Variants in TMEM165 observed in about 807,000 individuals in gnomAD.
The protein encoded by TMEM165 is transmembrane protein 165.
TMEM165 carries 19 observed loss-of-function variants against 30.0 expected under a neutral mutation model. That is an observed-to-expected ratio of 0.63 (90% CI 0.44 to 0.93). The LOEUF is 0.93. Among genes scored for constraint, TMEM165 ranks in the 40% least tolerant of loss-of-function variants. TMEM165 has a pLI of 0.00. For synonymous variants in TMEM165, 168 were observed against 162.9 expected (o/e 1.03, Z -0.24); for missense variants, 340 against 417.0 (o/e 0.82, Z 1.61).
downstream of TMEM165, chr4:55,428,766 G>GA (rs1254465064): frequency 2.0e-5 from 3 of 149,160 alleles, no homozygotes; most frequent in Non-Finnish European, 4.5e-5. Flanking sequence ...TGTTAACAAT[G>GA]AAAAATTTAC....
At chr4:55,448,583 T>A (rs576779243) in intron 3 of TMEM165, among the ~76,000 whole-genome samples, 1 of 106,000 alleles carries the variant, frequency 9.4e-6, no homozygotes, top group Non-Finnish European at 2.0e-5. Context: ...ATTATATATG[T>A]GCGCGCGCGC....
At chr4:55,433,000 T>C (rs1217979358) in intron 3 of TMEM165, 2 of 152,608 alleles carry the variant, frequency 1.3e-5, no homozygotes, top group Non-Finnish European at 2.9e-5. Flanking sequence ...GTGTGGTATG[T>C]AGAGGACAGG....
intron 4 of TMEM165, among the ~76,000 whole-genome samples, chr4:55,419,597 GATTT>G (rs1721880545): frequency 2.6e-5 from 4 of 152,124 alleles, no homozygotes; most frequent in Admixed American, 2.6e-4. Context: ...TGTTCACACA[GATTT>G]ATTAAGATTT....
intron 1 of TMEM165, among the ~76,000 whole-genome samples, chr4:55,407,628 C>T (rs1324211821): frequency 1.3e-5 from 2 of 152,146 alleles, no homozygotes; most frequent in South Asian, 2.1e-4. Flanking sequence ...TCTGCTCTGG[C>T]TCATCCTTCA....
chr4:55,449,957 G>A (rs1008070884), intron 3 of TMEM165: 2 of 1,101,362 alleles, frequency 1.8e-6, no homozygotes, highest in Non-Finnish European at 2.6e-6. Flanking sequence ...TAACTCACTG[G>A]AAAGGTTACT....
In TMEM165 at chr4:55,438,586, ACAT is replaced by A. The variant is rs1196444149; in HGVS notation, c.409-13649_409-13647del. ...AATTGGAGTCCAAAGTACAAGGTAT[ACAT>A]CATAAAACGCAGTGGAGTAAATACT... On this transcript the variant is annotated intron_variant, in intron 3 of 3. Coordinates refer to the TMEM165 transcript ENST00000608091. The A allele has an allele frequency of 3.1e-6, 5 of 1,611,270 alleles. No individual in the cohort carries two copies. The South Asian group carries it at 5.5e-5, about 18-fold the overall frequency.
chr4:55,403,375 T>G, intron 1 of TMEM165: 1 of 1,071,926 alleles, frequency 9.3e-7, no homozygotes. Context: ...ACATTTGTGT[T>G]TATTTGAACT....
At chr4:55,448,601 C>CGCGCGTGTGTGTGTGTGTGTGT (rs764071880) in intron 3 of TMEM165, among the ~76,000 whole-genome samples, 8 of 116,980 alleles carry the variant, frequency 6.8e-5, no homozygotes, top group Non-Finnish European at 1.5e-4. Flanking sequence ...CGCACGCGCG[C>CGCGCGTGTGTGTGTGTGTGTGT]GTGTGTGTGT....
chr4:55,431,694 A>AGG (rs1722513371), intron 3 of TMEM165: 1 of 138,142 alleles, frequency 7.2e-6, no homozygotes, highest in Non-Finnish European at 1.6e-5. Flanking sequence ...CAAACTTTCA[A>AGG]TTACCAAAGA....
intron 3 of TMEM165, among the ~76,000 whole-genome samples, chr4:55,448,597 C>CGTGTGTGTGT (rs1464115730): frequency 1.4e-5 from 1 of 72,922 alleles, no homozygotes; most frequent in Non-Finnish European, 2.5e-5. Context: ...CGCGCGCACG[C>CGTGTGTGTGT]GCGCGTGTGT....
In TMEM165 at chr4:55,401,732, C is replaced by T. The variant is rs145108268; in HGVS notation, c.207+5336C>T. ...AGATTGAGGCAATCAGTTATAAGGA[C>T]GCCTGCTCATAATTACCTTCTCAGA... On this transcript the variant is annotated intron_variant, in intron 1 of 5. Transcript: ENST00000381334. Among the ~76,000 whole-genome samples, 73 of 150,318 alleles carry T rather than the reference C, an allele frequency of 4.9e-4. No homozygotes were observed. The East Asian group carries it at 0.014, about 28-fold the overall frequency.
At chr4:55,417,279 AAG>A in intron 3 of TMEM165, 32 bp downstream of exon 3, 5 of 1,594,246 alleles carry the variant, frequency 3.1e-6, no homozygotes, top group Non-Finnish European at 4.3e-6. Flanking sequence ...CTGGACCAAA[AAG>A]GCACTCAACT....
intron 1 of TMEM165, among the ~76,000 whole-genome samples, chr4:55,397,619 CCCTTTCCTTT>C (rs555441264): frequency 2.6e-5 from 4 of 151,966 alleles, no homozygotes; most frequent in African/African-American, 7.3e-5. Flanking sequence ...ATTTATCTGA[CCCTTTCCTTT>C]CCTTTCCTTT....
chr4:55,427,761 A>G (rs1342356584), downstream of TMEM165: 1 of 152,372 alleles, frequency 6.6e-6, no homozygotes, highest in East Asian at 1.9e-4. Context: ...GCGAATAAGA[A>G]CAGCATCGCA....
chr4:55,448,772 A>G (rs1383282622), intron 3 of TMEM165: 2 of 1,612,468 alleles, frequency 1.2e-6, no homozygotes, highest in South Asian at 1.1e-5. Context: ...CAAAAACCAA[A>G]AAGTACCTGG....
rs568195639 is a variant in TMEM165, at chr4:55,417,847, G to A, written c.654G>A (p.Thr218=). The change falls in exon 4 of 6, where the codon ACG becomes ACA. Residue 218 remains threonine, a synonymous_variant. Transcript: ENST00000381334. ...TAAATGGACCGGGAGATGTTGAAACGGGTACAAGCATAACAGTACCTCAGA... is the reference window on the plus strand; with the variant it reads ...TAAATGGACCGGGAGATGTTGAAACAGGTACAAGCATAACAGTACCTCAGA... ...KLLNGPGDVE[T]GTSITVPQKK... 20 of 1,612,960 alleles carry A rather than the reference G, an allele frequency of 1.2e-5. No homozygotes were observed. Among genetic ancestry groups the A allele is most frequent in the East Asian group, 1.1e-4 (5 of 44,858 alleles).
At chr4:55,447,363 CA>C in intron 3 of TMEM165, among the ~76,000 whole-genome samples, 1 of 150,496 alleles carries the variant, frequency 6.6e-6, no homozygotes. Flanking sequence ...GGCGTCGTCT[CA>C]AAAAAAAATT....
intron 3 of TMEM165, among the ~76,000 whole-genome samples, chr4:55,451,907 C>T (rs1022067286): frequency 1.3e-5 from 2 of 152,124 alleles, no homozygotes; most frequent in African/African-American, 4.8e-5. Flanking sequence ...AGATCCATGC[C>T]GGGTAGAAGG....
chr4:55,450,111 G>C, intron 3 of TMEM165: 2 of 1,614,142 alleles, frequency 1.2e-6, no homozygotes, highest in East Asian at 2.2e-5. Context: ...TGAGACGGCC[G>C]TGTGAGATGA....
Sources: allele counts gnomAD v4.1 joint callset (sites outside exome capture counted in the v4.1 genomes callset), GRCh38; gene constraint gnomAD v4.1.1; transcripts MANE v1.5; gene names NCBI Gene and HGNC (gene_info 2026-07-23, HGNC 2026-07-21).